Variants in PARD3B observed in about 807,000 individuals in gnomAD.
PARD3B encodes par-3 family cell polarity regulator beta.
PARD3B carries 103 observed loss-of-function variants against 130.2 expected under a neutral mutation model. The ratio of observed to expected loss-of-function variants is 0.79; its 90% confidence interval spans 0.67 to 0.93. The LOEUF (loss-of-function observed/expected upper bound fraction) is 0.93. Ranked by LOEUF, PARD3B falls within the 40% of genes least tolerant of loss-of-function variation. The pLI, the probability that PARD3B is intolerant of heterozygous loss-of-function variation, is 0.00. For synonymous variants in PARD3B, 583 were observed against 553.2 expected (o/e 1.05, Z -0.76); for missense variants, 1,609 against 1,499.2 (o/e 1.07, Z -1.21).
intron 21 of PARD3B, among the ~76,000 whole-genome samples, chr2:205,532,296 GTGTTA>G (rs1297448460): frequency 2.0e-5 from 3 of 152,156 alleles, no homozygotes; most frequent in Non-Finnish European, 2.9e-5. Flanking sequence ...ATGTTTCTTT[GTGTTA>G]TGTTTAGTCA....
At chr2:204,756,147 C>A (rs1473985617) in intron 2 of PARD3B, among the ~76,000 whole-genome samples, 2 of 152,050 alleles carry the variant, frequency 1.3e-5, no homozygotes. Flanking sequence ...CAAAGAAATA[C>A]AATACAGCTT....
In PARD3B at chr2:205,295,836, C is replaced by G. The variant is rs2041770485; in HGVS notation, c.2186-4694C>G. On this transcript the variant is annotated intron_variant, in intron 16 of 22. Coordinates refer to ENST00000406610, the MANE Select transcript of PARD3B (RefSeq NM_001302769.2). ...TATTAATCTATCTTATCACAATGGC[C>G]TCTATATGTGATGAACAGATGAACA... 2.0e-5 allele frequency among the ~76,000 whole-genome samples: 3 copies of G among 151,968 alleles called. No individual in the cohort carries two copies. In the South Asian group the frequency reaches 6.2e-4, roughly 32 times the overall value.
chr2:205,311,086 A>G (rs1013654614), intron 18 of PARD3B, among the ~76,000 whole-genome samples: 33 of 152,296 alleles, frequency 2.2e-4, no homozygotes, highest in African/African-American at 7.9e-4. Flanking sequence ...GCTGATGGGC[A>G]CTTAAGTTGA....
At chr2:205,329,783 G>A (rs2043049796) in intron 18 of PARD3B, among the ~76,000 whole-genome samples, 1 of 152,136 alleles carries the variant, frequency 6.6e-6, no homozygotes, top group Non-Finnish European at 1.5e-5. Context: ...CTGAGGTCAG[G>A]AGTTCGAGAC....
chr2:205,141,037 G>A (rs2125672251), intron 10 of PARD3B, among the ~76,000 whole-genome samples: 1 of 152,278 alleles, frequency 6.6e-6, no homozygotes, highest in South Asian at 2.1e-4. Context: ...GATAACGGAT[G>A]GTGTCAAGAA....
At chr2:205,043,017 C>CTGGGGTT (rs1312138154) in intron 3 of PARD3B, among the ~76,000 whole-genome samples, 3 of 151,804 alleles carry the variant, frequency 2.0e-5, no homozygotes, top group Non-Finnish European at 4.4e-5. Context: ...TGAGCTGAAT[C>CTGGGGTT]TGGGGTTTTT....
intron 19 of PARD3B, among the ~76,000 whole-genome samples, chr2:205,435,414 G>T (rs941630134): frequency 6.6e-6 from 1 of 151,486 alleles, no homozygotes; most frequent in Non-Finnish European, 1.5e-5. Flanking sequence ...TTTGATACCT[G>T]GGATCCTTTA....
At chr2:205,474,667 T>G (rs1366599043) in intron 20 of PARD3B, among the ~76,000 whole-genome samples, 1 of 152,156 alleles carries the variant, frequency 6.6e-6, no homozygotes, top group Non-Finnish European at 1.5e-5. Context: ...TTCCTTAGGA[T>G]TCCTGGAATG....
intron 3 of PARD3B, among the ~76,000 whole-genome samples, chr2:205,017,786 T>C (rs1276711739): frequency 6.6e-6 from 1 of 152,184 alleles, no homozygotes; most frequent in Non-Finnish European, 1.5e-5. Context: ...GCTCTCCAAA[T>C]CCTGGCCTTG....
chr2:205,193,179 A>G lies in PARD3B; in HGVS notation c.2025-26A>G, dbSNP rs1205703319. The G allele has an allele frequency of 1.3e-6, 2 of 1,502,828 alleles. 1 individual carries two copies. The highest frequency in any genetic ancestry group is 2.3e-5 in the South Asian group (2 of 88,302). 93.1% of individuals were successfully genotyped at this position (1,502,828 alleles called of 1,614,324 possible). On this transcript the variant is annotated intron_variant, in intron 14 of 22. Transcript: ENST00000406610. ...TTAAAAGATTTTATTCTAAACCTAAATACAACATATGGCTTCCTTCCACAG... is the reference window on the plus strand; with the variant it reads ...TTAAAAGATTTTATTCTAAACCTAAGTACAACATATGGCTTCCTTCCACAG...
intron 15 of PARD3B, among the ~76,000 whole-genome samples, chr2:205,228,643 T>C (rs13396549): frequency 0.028 from 4,257 of 152,308 alleles, 85 homozygotes; most frequent in East Asian, 0.086. Flanking sequence ...TGGGAAATTA[T>C]CTGTTACGAT....
At chr2:205,597,867 G>A (rs1050080709) in intron 22 of PARD3B, among the ~76,000 whole-genome samples, 3 of 152,210 alleles carry the variant, frequency 2.0e-5, no homozygotes, top group Non-Finnish European at 2.9e-5. Context: ...CAAGAATTTC[G>A]TATCCTGCCA....
intron 2 of PARD3B, among the ~76,000 whole-genome samples, chr2:204,690,987 G>A (rs1012105816): frequency 2.0e-5 from 3 of 152,052 alleles, no homozygotes; most frequent in Non-Finnish European, 4.4e-5. Context: ...ATCTAATTAT[G>A]CTGTTATCGT....
chr2:205,398,067 G>A (rs368674665), intron 18 of PARD3B, among the ~76,000 whole-genome samples: 1 of 152,156 alleles, frequency 6.6e-6, no homozygotes. Flanking sequence ...GGGAGGCCGA[G>A]GCAGGCAGAT....
intron 18 of PARD3B, among the ~76,000 whole-genome samples, chr2:205,315,561 A>G (rs570595314): frequency 6.6e-6 from 1 of 152,104 alleles, no homozygotes; most frequent in Admixed American, 6.6e-5. Flanking sequence ...ATCGCTGATG[A>G]TTGTAATGCA....
intron 2 of PARD3B, among the ~76,000 whole-genome samples, chr2:204,937,195 A>G (rs1436368818): frequency 6.6e-6 from 1 of 152,250 alleles, no homozygotes. Context: ...CTAAGTCCTC[A>G]TTGAAGGTAC....
chr2:205,545,301 C>T (rs989003849), intron 21 of PARD3B, among the ~76,000 whole-genome samples: 1 of 152,114 alleles, frequency 6.6e-6, no homozygotes, highest in African/African-American at 2.4e-5. Context: ...TGCTGAAAGC[C>T]AAGTTTATAA....
intron 4 of PARD3B, among the ~76,000 whole-genome samples, chr2:205,063,723 G>A (rs1417070444): frequency 1.3e-5 from 2 of 152,138 alleles, no homozygotes; most frequent in South Asian, 2.1e-4. Context: ...ATGTCAAATT[G>A]TTTAGTTGTA....
intron 22 of PARD3B, among the ~76,000 whole-genome samples, chr2:205,571,539 C>T (rs897456544): frequency 2.0e-5 from 3 of 152,172 alleles, no homozygotes; most frequent in African/African-American, 7.2e-5. Context: ...AAGAAAATAT[C>T]TCAAAGAATC....
Sources: gnomAD v4.1 joint callset for allele counts (sites outside exome capture counted in the v4.1 genomes callset) on GRCh38, gnomAD v4.1.1 for gene constraint, MANE v1.5 for transcripts, NCBI Gene and HGNC (gene_info 2026-07-23, HGNC 2026-07-21) for gene names.